Variants in ASB4 observed in about 807,000 individuals in gnomAD.
ASB4 encodes ankyrin repeat and SOCS box containing 4.
In ASB4, 35 loss-of-function variants were observed where a neutral mutation model predicts 38.6. The observed-to-expected ratio is 0.91, with a 90% CI of 0.69 to 1.20. The LOEUF is 1.20. ASB4 is among the 50% of genes most tolerant of loss of function. The pLI is 0.00. For synonymous variants in ASB4, 195 were observed against 201.3 expected, an observed-to-expected ratio of 0.97 and a Z score of 0.26; for missense variants, 557 against 527.2, an observed-to-expected ratio of 1.06 and a Z score of -0.55.
At chr7:95,518,851 A>G (rs1790621526) in intron 2 of ASB4, among the ~76,000 whole-genome samples, 1 of 152,208 alleles carries the variant, frequency 6.6e-6, no homozygotes, top group African/African-American at 2.4e-5. Context: ...ACTTCAGGAC[A>G]GAGATAAAAG....
At chr7:95,542,204 A>T (rs1425529251), downstream of ASB4, 1 of 152,198 alleles carries the variant, frequency 6.6e-6, no homozygotes, top group Non-Finnish European at 1.5e-5. Flanking sequence ...TAGTAGCTCA[A>T]GGTTTTGGTT....
intron 1 of ASB4, among the ~76,000 whole-genome samples, chr7:95,489,055 T>C (rs921567118): frequency 1.3e-5 from 2 of 152,196 alleles, no homozygotes; most frequent in Non-Finnish European, 2.9e-5. Flanking sequence ...TTTTATAGGA[T>C]TTAAGAAGTA....
At chr7:95,515,282 TTTC>T (rs1436656600) in intron 2 of ASB4, among the ~76,000 whole-genome samples, 1 of 112,564 alleles carries the variant, frequency 8.9e-6, no homozygotes, top group Non-Finnish European at 1.8e-5. Context: ...TCTTTCTTTC[TTTC>T]TTTCTTTCTT....
the ASB4 span, among the ~76,000 whole-genome samples, chr7:95,471,273 G>C: frequency 2.0e-5 from 3 of 152,078 alleles, no homozygotes; most frequent in South Asian, 6.2e-4. Flanking sequence ...GTCTGAGTCA[G>C]GTTTGCTTCC....
At chr7:95,528,747 T>G in intron 3 of ASB4, 6 of 984,800 alleles carry the variant, frequency 6.1e-6, no homozygotes, top group Non-Finnish European at 7.3e-6. Flanking sequence ...TAACGTTTAT[T>G]AAGTACTAAA....
In ASB4 at chr7:95,494,299, A is replaced by G. The variant is rs186734281; in HGVS notation, c.188-1459A>G. ...ATCGTAATATTCTAGATTTCTTATG[A>G]CCTTATCTAATCAGTGAAGAATACA... On this transcript the variant is annotated intron_variant, in intron 1 of 4. Transcript: ENST00000325885. Among the ~76,000 whole-genome samples, 4 of 152,204 alleles carry G rather than the reference A, an allele frequency of 2.6e-5. No individual in the cohort carries two copies. In the East Asian group the frequency reaches 7.7e-4, roughly 29 times the overall value.
the ASB4 span, among the ~76,000 whole-genome samples, chr7:95,547,361 G>T: frequency 1.2e-3 from 183 of 152,220 alleles, 2 homozygotes; most frequent in African/African-American, 4.2e-3. Context: ...GGTTTACTTG[G>T]TTTTGAACTT....
At position 95,527,877 on chromosome 7, in the gene ASB4, C is replaced by G; in HGVS notation, c.552C>G (p.His184Gln). Residue 184 changes from histidine to glutamine, a missense_variant, in exon 3 of 5, where the codon CAC becomes CAG. Coordinates refer to ENST00000325885, the MANE Select transcript of ASB4 (RefSeq NM_016116.3). ...DEETPLHTAA[H>Q]FGLSELVAFY... The stretch of plus-strand genomic sequence containing the variant: ...AGACGCCCTTGCACACGGCTGCCCA[C>G]TTCGGCCTTTCGGAGCTGGTGGCCT... 6.2e-7 allele frequency: 1 copy of G among 1,613,854 alleles called. No homozygotes were observed. Among genetic ancestry groups the G allele is most frequent in the South Asian group, 1.1e-5 (1 of 91,070 alleles).
chr7:95,500,664 T>C (rs185349554), intron 2 of ASB4, among the ~76,000 whole-genome samples: 2 of 151,792 alleles, frequency 1.3e-5, no homozygotes, highest in East Asian at 3.9e-4. Flanking sequence ...TTCTCCTTCT[T>C]CTTTGGTTCA....
upstream of ASB4, chr7:95,473,950 C>G (rs531489726): frequency 6.6e-6 from 1 of 152,316 alleles, no homozygotes; most frequent in South Asian, 2.1e-4. Context: ...ATTTCTTAAT[C>G]TTTAGGCTTC....
intron 1 of ASB4, among the ~76,000 whole-genome samples, chr7:95,479,341 A>G (rs1222031414): frequency 2.0e-5 from 3 of 152,196 alleles, no homozygotes; most frequent in Non-Finnish European, 4.4e-5. Context: ...ACTCTCCTAT[A>G]ATGCTTCACA....
At chr7:95,505,702 T>G (rs1275674684) in intron 2 of ASB4, among the ~76,000 whole-genome samples, 1 of 121,364 alleles carries the variant, frequency 8.2e-6, no homozygotes. Flanking sequence ...CCCCCCCAAA[T>G]ACTTATTCAT....
At chr7:95,474,886 A>G (rs1224460993), upstream of ASB4, among the ~76,000 whole-genome samples, 4 of 152,190 alleles carry the variant, frequency 2.6e-5, no homozygotes, top group African/African-American at 9.7e-5. Flanking sequence ...TTTACCCCAA[A>G]TAGGCATGTA....
chr7:95,521,875 GTAGT>G (rs1301205026), intron 2 of ASB4, among the ~76,000 whole-genome samples: 1 of 151,930 alleles, frequency 6.6e-6, no homozygotes, highest in Non-Finnish European at 1.5e-5. Flanking sequence ...TTTTAGAACA[GTAGT>G]TACCTCTGTG....
At chr7:95,496,715 G>A (rs1397453508) in intron 2 of ASB4, among the ~76,000 whole-genome samples, 1 of 152,092 alleles carries the variant, frequency 6.6e-6, no homozygotes, top group Admixed American at 6.5e-5. Flanking sequence ...GGGCATGGTG[G>A]CATGCACCTG....
intron 2 of ASB4, among the ~76,000 whole-genome samples, chr7:95,499,633 G>GT (rs1193388205): frequency 6.6e-6 from 1 of 152,150 alleles, no homozygotes; most frequent in Non-Finnish European, 1.5e-5. Flanking sequence ...TAAACAATTG[G>GT]TAAAAAGAAG....
At chr7:95,485,886 A>G (rs773424431), upstream of ASB4, 2 of 1,195,212 alleles carry the variant, frequency 1.7e-6, no homozygotes, top group Admixed American at 2.6e-5. Context: ...ATTAGCCGAC[A>G]GTTTGTGGAC....
At chr7:95,476,548 C>A (rs1330360646), upstream of ASB4, among the ~76,000 whole-genome samples, 1 of 152,186 alleles carries the variant, frequency 6.6e-6, no homozygotes, top group Non-Finnish European at 1.5e-5. Context: ...CTAGAAAAGA[C>A]CAGGGCTGGG....
intron 2 of ASB4, among the ~76,000 whole-genome samples, chr7:95,502,596 G>T (rs1293440383): frequency 6.6e-6 from 1 of 152,102 alleles, no homozygotes; most frequent in African/African-American, 2.4e-5. Flanking sequence ...TGGGGAGAAA[G>T]AAAAAGAAAG....
Sources: allele counts gnomAD v4.1 joint callset (sites outside exome capture counted in the v4.1 genomes callset), GRCh38; gene constraint gnomAD v4.1.1; transcripts MANE v1.5; gene names NCBI Gene and HGNC (gene_info 2026-07-23, HGNC 2026-07-21).